Variants in FUT8 observed in about 807,000 individuals in gnomAD.
FUT8 encodes fucosyltransferase 8.
In FUT8, 29 loss-of-function variants were observed where a neutral mutation model predicts 71.3. That is an observed-to-expected ratio of 0.41 (90% CI 0.30 to 0.55). The LOEUF (loss-of-function observed/expected upper bound fraction) is 0.55, where lower values mean the gene tolerates loss of function less well. FUT8 is among the 20% of genes least tolerant of loss of function. FUT8 has a pLI of 0.34. For synonymous variants in FUT8, 254 were observed against 239.3 expected (o/e 1.06, Z -0.57); for missense variants, 544 against 702.1 (o/e 0.77, Z 2.55).
chr14:65,462,274 A>C (rs997746401), intron 2 of FUT8, among the ~76,000 whole-genome samples: 1 of 152,202 alleles, frequency 6.6e-6, no homozygotes, highest in Non-Finnish European at 1.5e-5. Flanking sequence ...TAATTAATGA[A>C]GACATTAGGT....
intron 7 of FUT8, among the ~76,000 whole-genome samples, chr14:65,706,529 T>C (rs371263735): frequency 6.6e-6 from 1 of 152,188 alleles, no homozygotes; most frequent in Non-Finnish European, 1.5e-5. Context: ...AACAAAATAC[T>C]ATAAACTGGG....
At chr14:65,442,179 C>G (rs1414013158) in intron 1 of FUT8, among the ~76,000 whole-genome samples, 3 of 140,652 alleles carry the variant, frequency 2.1e-5, no homozygotes, top group South Asian at 4.6e-4. Flanking sequence ...TAAGGGTGGA[C>G]TTTTTTTTTT....
intron 7 of FUT8, among the ~76,000 whole-genome samples, chr14:65,699,661 C>T (rs1319944656): frequency 2.6e-5 from 4 of 152,106 alleles, no homozygotes; most frequent in African/African-American, 7.2e-5. Context: ...TTTCTCATTG[C>T]GGGAAGATCA....
chr14:65,604,501 C>G (rs1363167533), intron 3 of FUT8, among the ~76,000 whole-genome samples: 1 of 151,912 alleles, frequency 6.6e-6, no homozygotes, highest in African/African-American at 2.4e-5. Flanking sequence ...CCTGAATGAT[C>G]ATTGGGTCAA....
At chr14:65,723,015 C>T (rs1895496064) in intron 8 of FUT8, among the ~76,000 whole-genome samples, 1 of 151,830 alleles carries the variant, frequency 6.6e-6, no homozygotes, top group African/African-American at 2.4e-5. Flanking sequence ...TTTTTATTTC[C>T]ATTAATATTG....
chr14:65,640,769 G>C (rs747152371), intron 6 of FUT8, among the ~76,000 whole-genome samples: 2 of 151,922 alleles, frequency 1.3e-5, no homozygotes, highest in Non-Finnish European at 2.9e-5. Flanking sequence ...TGGTACCTTT[G>C]ATTCTGTGCT....
chr14:65,503,888 G>A (rs968300784), intron 2 of FUT8, among the ~76,000 whole-genome samples: 14 of 152,172 alleles, frequency 9.2e-5, no homozygotes, highest in Non-Finnish European at 1.9e-4. Flanking sequence ...CCTTAACAAA[G>A]CATTTTGATT....
intron 6 of FUT8, among the ~76,000 whole-genome samples, chr14:65,646,975 A>G (rs938364768): frequency 1.3e-5 from 2 of 152,220 alleles, no homozygotes; most frequent in Admixed American, 6.5e-5. Flanking sequence ...AAATTCATGT[A>G]TCATAAATTT....
intron 3 of FUT8, among the ~76,000 whole-genome samples, chr14:65,602,371 A>T (rs1888345170): frequency 7.3e-6 from 1 of 136,264 alleles, no homozygotes; most frequent in Non-Finnish European, 1.5e-5. Context: ...ACACACACAC[A>T]CACACACACA....
intron 3 of FUT8, among the ~76,000 whole-genome samples, chr14:65,615,071 A>G (rs1403151887): frequency 6.6e-6 from 1 of 152,172 alleles, no homozygotes; most frequent in Non-Finnish European, 1.5e-5. Flanking sequence ...TGCTGATAGA[A>G]ATGAATAGAA....
At chr14:65,366,487 T>C in the FUT8 span, among the ~76,000 whole-genome samples, 1 of 152,268 alleles carries the variant, frequency 6.6e-6, no homozygotes, top group African/African-American at 2.4e-5. Context: ...GTCTTATGCT[T>C]TGATCACAAT....
chr14:65,427,079 A>G lies in FUT8; in HGVS notation c.-326+13865A>G, dbSNP rs184714000. Among the ~76,000 whole-genome samples, 61 of 152,066 alleles carry G rather than the reference A, an allele frequency of 4.0e-4. No individual in the cohort carries two copies. In the East Asian group the frequency reaches 0.011, roughly 27 times the overall value. On this transcript the variant is annotated intron_variant, in intron 1 of 10. Coordinates refer to ENST00000673929, the MANE Select transcript of FUT8 (RefSeq NM_001371533.1). ...GGGTTTCACCATGTTAGCCAGGATGATCTCAATCTCCTGACCTCGTGATCC... is the reference window on the plus strand; with the variant it reads ...GGGTTTCACCATGTTAGCCAGGATGGTCTCAATCTCCTGACCTCGTGATCC...
At chr14:65,502,794 C>T (rs977739368) in intron 2 of FUT8, among the ~76,000 whole-genome samples, 29 of 152,260 alleles carry the variant, frequency 1.9e-4, no homozygotes, top group Admixed American at 1.1e-3. Flanking sequence ...CCCCCTCCTG[C>T]AGAGCTTCTT....
At chr14:65,496,520 C>T (rs2066562170) in intron 2 of FUT8, among the ~76,000 whole-genome samples, 1 of 152,030 alleles carries the variant, frequency 6.6e-6, no homozygotes, top group Non-Finnish European at 1.5e-5. Flanking sequence ...CCATGCTGTT[C>T]TCATGTTAGT....
chr14:65,570,090 T>C (rs988439698), intron 3 of FUT8, among the ~76,000 whole-genome samples: 1 of 152,030 alleles, frequency 6.6e-6, no homozygotes, highest in African/African-American at 2.4e-5. Context: ...TAGCTGTGAG[T>C]TTAAGGTAGA....
intron 3 of FUT8, among the ~76,000 whole-genome samples, chr14:65,593,581 CT>C (rs71126767): frequency 1.5e-4 from 22 of 147,228 alleles, no homozygotes; most frequent in Admixed American, 2.7e-4. Flanking sequence ...CTTTTCTTTT[CT>C]TTTTTTTTTT....
At chr14:65,463,354 C>T (rs1186003089) in intron 2 of FUT8, among the ~76,000 whole-genome samples, 6 of 152,150 alleles carry the variant, frequency 3.9e-5, no homozygotes, top group African/African-American at 1.2e-4. Flanking sequence ...GCAGCCTTGA[C>T]CTCCTTGGCT....
intron 5 of FUT8, among the ~76,000 whole-genome samples, chr14:65,625,693 A>T (rs983532235): frequency 3.3e-5 from 5 of 152,232 alleles, no homozygotes; most frequent in Non-Finnish European, 7.4e-5. Context: ...GTGCTTCACA[A>T]ATGGAACTGT....
intron 7 of FUT8, among the ~76,000 whole-genome samples, chr14:65,702,068 G>A (rs759194988): frequency 1.2e-4 from 18 of 152,178 alleles, no homozygotes; most frequent in Non-Finnish European, 2.2e-4. Context: ...ACAAGAGGCC[G>A]GGCGTGGTGG....
Sources: gnomAD v4.1 joint callset for allele counts (sites outside exome capture counted in the v4.1 genomes callset) on GRCh38, gnomAD v4.1.1 for gene constraint, MANE v1.5 for transcripts, NCBI Gene and HGNC (gene_info 2026-07-23, HGNC 2026-07-21) for gene names.